SCAMP1: variants seen among roughly 807,000 people sequenced by gnomAD.
SCAMP1 encodes secretory carrier membrane protein 1, also known as secretory carrier-associated membrane protein 1.
In SCAMP1, 15 loss-of-function variants were observed where a neutral mutation model predicts 41.8. The observed-to-expected ratio is 0.36, with a 90% CI of 0.24 to 0.55. The LOEUF is 0.55. Ranked by LOEUF, SCAMP1 falls within the 20% of genes least tolerant of loss-of-function variation. The pLI is 0.86. For missense variants in SCAMP1, 341 were observed against 412.6 expected (o/e 0.83, Z 1.50); for synonymous variants, 135 against 136.8 (o/e 0.99, Z 0.09).
intron 1 of SCAMP1, among the ~76,000 whole-genome samples, chr5:78,376,813 G>A (rs549816412): frequency 9.2e-5 from 14 of 152,118 alleles, no homozygotes; most frequent in Non-Finnish European, 2.1e-4. Context: ...TCTCTGGGGT[G>A]GAGGAGGGAT....
At chr5:78,367,071 G>C (rs1044603843) in intron 1 of SCAMP1, among the ~76,000 whole-genome samples, 1 of 152,180 alleles carries the variant, frequency 6.6e-6, no homozygotes, top group Non-Finnish European at 1.5e-5. Flanking sequence ...CTGGAACATA[G>C]TGGTTGCAGT....
chr5:78,404,625 T>A (rs1172427377), intron 2 of SCAMP1, among the ~76,000 whole-genome samples: 2 of 152,114 alleles, frequency 1.3e-5, no homozygotes, highest in African/African-American at 4.8e-5. Flanking sequence ...TTCGAAGTTG[T>A]TTTCTTCTTT....
Position 78,360,664 on chromosome 5 carries a change from C to G in SCAMP1, c.-8C>G, listed in dbSNP as rs751476585. 9.3e-6 allele frequency: 15 copies of G among 1,607,950 alleles called. No individual in the cohort carries two copies. The highest frequency in any genetic ancestry group is 9.0e-5 in the East Asian group (4 of 44,508). On this transcript the variant is annotated 5_prime_UTR_variant, in exon 1 of 9. Coordinates refer to ENST00000621999, the MANE Select transcript of SCAMP1 (RefSeq NM_004866.6). ...TGGGTCGGGTGGGTGACGCCGAGAG[C>G]CAGAGAGATGTCGGATTTCGACAGT...
At chr5:78,434,859 C>T (rs1752709680) in intron 6 of SCAMP1, among the ~76,000 whole-genome samples, 1 of 152,120 alleles carries the variant, frequency 6.6e-6, no homozygotes, top group Admixed American at 6.6e-5. Context: ...ATAAAAATAA[C>T]ATAAGAGGAA....
At chr5:78,384,971 G>C (rs866687289) in intron 1 of SCAMP1, among the ~76,000 whole-genome samples, 1 of 152,106 alleles carries the variant, frequency 6.6e-6, no homozygotes, top group Non-Finnish European at 1.5e-5. Flanking sequence ...TTCATAGAAT[G>C]ATTTAGGGGG....
intron 7 of SCAMP1, among the ~76,000 whole-genome samples, chr5:78,454,929 G>A (rs1309142657): frequency 2.6e-5 from 4 of 152,118 alleles, no homozygotes; most frequent in South Asian, 2.1e-4. Flanking sequence ...TATGTGTCGA[G>A]GAATTTATCC....
At chr5:78,415,722 T>A in intron 3 of SCAMP1, 104 bp downstream of exon 3, 1 of 723,954 alleles carries the variant, frequency 1.4e-6, no homozygotes, top group Non-Finnish European at 2.3e-6. Context: ...TTCTGTTGCT[T>A]AATTTTTAAC....
At chr5:78,392,041 GT>G (rs1308417347) in intron 2 of SCAMP1, among the ~76,000 whole-genome samples, 9 of 1,628 alleles carry the variant, frequency 5.5e-3, no homozygotes, top group East Asian at 0.018. Context: ...GAGGGAGACC[GT>G]GGAAAGAGAG....
At chr5:78,425,302 A>G (rs1229239697) in intron 6 of SCAMP1, among the ~76,000 whole-genome samples, 2 of 152,210 alleles carry the variant, frequency 1.3e-5, no homozygotes, top group Admixed American at 6.5e-5. Context: ...TGAGTCATCT[A>G]TGAACTGTGA....
chr5:78,400,246 A>G (rs936705540), intron 2 of SCAMP1, among the ~76,000 whole-genome samples: 1 of 152,170 alleles, frequency 6.6e-6, no homozygotes, highest in Non-Finnish European at 1.5e-5. Flanking sequence ...TCTTTTGTCA[A>G]TACTATACTG....
chr5:78,449,792 G>A, intron 6 of SCAMP1, 141 bp from the exon 7 acceptor site: 1 of 538,628 alleles, frequency 1.9e-6, no homozygotes. Flanking sequence ...TCAGGTGGTT[G>A]CCACTTTTTT....
chr5:78,372,337 G>A (rs2112051374), intron 1 of SCAMP1, among the ~76,000 whole-genome samples: 1 of 152,210 alleles, frequency 6.6e-6, no homozygotes, highest in African/African-American at 2.4e-5. Flanking sequence ...CCACCATTTG[G>A]CACTTTTTCT....
chr5:78,366,920 CAAA>C (rs70998000), intron 1 of SCAMP1, among the ~76,000 whole-genome samples: 6 of 111,522 alleles, frequency 5.4e-5, no homozygotes, highest in East Asian at 7.5e-4. Context: ...GACCCTGTCT[CAAA>C]AAAAAAAAAA....
intron 6 of SCAMP1, among the ~76,000 whole-genome samples, chr5:78,449,672 T>C (rs1385683020): frequency 6.6e-6 from 1 of 152,190 alleles, no homozygotes; most frequent in African/African-American, 2.4e-5. Context: ...CAAGAGGGAT[T>C]GTGGTGCAGT....
At chr5:78,430,580 C>T (rs1275039128) in intron 6 of SCAMP1, among the ~76,000 whole-genome samples, 1 of 151,712 alleles carries the variant, frequency 6.6e-6, no homozygotes, top group African/African-American at 2.4e-5. Flanking sequence ...CAAGAAGAAC[C>T]TAGTGCTTAT....
In SCAMP1 at chr5:78,362,765, A is replaced by G. The variant is rs368529846; in HGVS notation, c.57+2037A>G. ...TCACAAAGTATAGTTTTATATCTAT[A>G]TTTTGTCTTTTTACTTCTGCTTATA... On this transcript the variant is annotated intron_variant, in intron 1 of 8. Coordinates refer to ENST00000621999, the MANE Select transcript of SCAMP1 (RefSeq NM_004866.6). 1.4e-4 allele frequency among the ~76,000 whole-genome samples: 22 copies of G among 151,806 alleles called. 2 individuals carry two copies. The highest frequency in any genetic ancestry group is 4.6e-4 in the African/African-American group (19 of 41,376).
intron 2 of SCAMP1, among the ~76,000 whole-genome samples, chr5:78,410,868 G>A (rs1048341315): frequency 6.6e-6 from 1 of 152,066 alleles, no homozygotes. Context: ...ATCTCATTGT[G>A]GTTTTGATTT....
chr5:78,361,315 T>C (rs550414888), intron 1 of SCAMP1, among the ~76,000 whole-genome samples: 1 of 152,312 alleles, frequency 6.6e-6, no homozygotes, highest in African/African-American at 2.4e-5. Flanking sequence ...CCCCCCTCTT[T>C]CTGTTAGGTT....
intron 7 of SCAMP1, among the ~76,000 whole-genome samples, chr5:78,454,927 G>T (rs1411165080): frequency 9.4e-6 from 1 of 106,770 alleles, no homozygotes; most frequent in South Asian, 3.0e-4. Context: ...TGTATGTGTC[G>T]AGGAATTTAT....
Sources: allele counts gnomAD v4.1 joint callset (sites outside exome capture counted in the v4.1 genomes callset), GRCh38; gene constraint gnomAD v4.1.1; transcripts MANE v1.5; gene names NCBI Gene and HGNC (gene_info 2026-07-23, HGNC 2026-07-21).